The following WWOX variants were observed in gnomAD, a reference collection of about 807,000 sequenced individuals.
The protein encoded by WWOX is WW domain-containing oxidoreductase.
Under a neutral mutation model 46.2 loss-of-function variants are expected in WWOX, and 69 were observed. The ratio of observed to expected loss-of-function variants is 1.49; its 90% CI spans 1.23 to 1.82. The LOEUF is 1.82. Among genes scored for constraint, WWOX ranks in the 40% most tolerant of loss-of-function variants. The probability of loss-of-function intolerance (pLI) is 0.00; values close to 1 mark genes in which losing one functional copy is unlikely to be tolerated. For synonymous variants in WWOX, 359 were observed against 202.6 expected, an observed-to-expected ratio of 1.77 and a Z score of -6.56; for missense variants, 919 against 542.6, an observed-to-expected ratio of 1.69 and a Z score of -6.89.
intron 8 of WWOX, among the ~76,000 whole-genome samples, chr16:78,781,099 G>C (rs950659759): frequency 6.6e-6 from 1 of 152,142 alleles, no homozygotes; most frequent in Non-Finnish European, 1.5e-5. Context: ...GCTTTCTAGA[G>C]CCAAACAAAT....
intron 8 of WWOX, among the ~76,000 whole-genome samples, chr16:78,750,531 G>A (rs1226488462): frequency 6.6e-6 from 1 of 151,638 alleles, no homozygotes; most frequent in Non-Finnish European, 1.5e-5. Context: ...GTGTAGGTCT[G>A]TTACATGGAT....
At chr16:79,179,028 A>C (rs1356926781) in intron 8 of WWOX, among the ~76,000 whole-genome samples, 3 of 152,182 alleles carry the variant, frequency 2.0e-5, no homozygotes, top group African/African-American at 7.2e-5. Context: ...ACTGTGCTAA[A>C]CCTGGCCCTG....
At chr16:78,877,637 T>C (rs939894610) in intron 8 of WWOX, among the ~76,000 whole-genome samples, 1 of 152,188 alleles carries the variant, frequency 6.6e-6, no homozygotes, top group Non-Finnish European at 1.5e-5. Context: ...GACATAGACA[T>C]ACATGAGTTT....
intron 8 of WWOX, among the ~76,000 whole-genome samples, chr16:78,507,004 G>A (rs568907541): frequency 4.6e-5 from 7 of 152,132 alleles, no homozygotes; most frequent in South Asian, 2.1e-4. Context: ...GTGAGCCACC[G>A]TGCACGACCT....
chr16:78,993,290 G>A (rs2046924573), intron 8 of WWOX, among the ~76,000 whole-genome samples: 1 of 151,894 alleles, frequency 6.6e-6, no homozygotes, highest in Admixed American at 6.6e-5. Flanking sequence ...GGGAAGGGAG[G>A]CCCTGAAATT....
intron 8 of WWOX, among the ~76,000 whole-genome samples, chr16:78,712,500 TA>T (rs558436380): frequency 3.1e-3 from 423 of 138,308 alleles, no homozygotes; most frequent in Middle Eastern, 7.2e-3. Context: ...GACTCCATCT[TA>T]AAAAAAAAAA....
At chr16:78,332,056 T>TTCTC (rs1182475012) in intron 5 of WWOX, among the ~76,000 whole-genome samples, 8 of 152,130 alleles carry the variant, frequency 5.3e-5, no homozygotes, top group African/African-American at 1.9e-4. Flanking sequence ...TGATTACTGT[T>TTCTC]TCTCTGTTGA....
At chr16:79,202,595 G>C (rs550374462) in intron 8 of WWOX, 1 of 152,304 alleles carries the variant, frequency 6.6e-6, no homozygotes, top group East Asian at 1.9e-4. Context: ...TCCGGCAAGA[G>C]AAGGCAAACA....
At chr16:78,817,169 A>ATTGTTTTTTTTTTTTTT (rs1460643310) in intron 8 of WWOX, among the ~76,000 whole-genome samples, 1 of 26,586 alleles carries the variant, frequency 3.8e-5, no homozygotes, top group African/African-American at 1.5e-4. Context: ...CATTAGTGCT[A>ATTGTTTTTTTTTTTTTT]TTCTTTTTTT....
intron 5 of WWOX, among the ~76,000 whole-genome samples, chr16:78,217,397 A>G (rs1271529404): frequency 1.3e-5 from 2 of 152,182 alleles, no homozygotes; most frequent in African/African-American, 4.8e-5. Flanking sequence ...CTAAAGATAT[A>G]AAGTAGAAAT....
chr16:78,660,526 C>G (rs1489046519), intron 8 of WWOX, among the ~76,000 whole-genome samples: 1 of 152,058 alleles, frequency 6.6e-6, no homozygotes, highest in Non-Finnish European at 1.5e-5. Context: ...AGAGAATTCA[C>G]AAAACAACTC....
At chr16:78,701,435 G>A (rs1416062266) in intron 8 of WWOX, among the ~76,000 whole-genome samples, 1 of 152,030 alleles carries the variant, frequency 6.6e-6, no homozygotes, top group African/African-American at 2.4e-5. Flanking sequence ...GAGGTTGAAG[G>A]TCCGATGGCC....
At chr16:78,365,917 T>C (rs2081526193) in intron 5 of WWOX, among the ~76,000 whole-genome samples, 1 of 152,220 alleles carries the variant, frequency 6.6e-6, no homozygotes, top group Non-Finnish European at 1.5e-5. Flanking sequence ...TTTGGGTTTC[T>C]GAAGTATAAA....
At chr16:78,895,803 A>C (rs1028735753) in intron 8 of WWOX, 3 of 152,244 alleles carry the variant, frequency 2.0e-5, no homozygotes, top group African/African-American at 7.2e-5. Context: ...TCTTAAGAAC[A>C]ATGTCAACTG....
At chr16:78,863,876 C>G (rs1409957392) in intron 8 of WWOX, among the ~76,000 whole-genome samples, 1 of 152,172 alleles carries the variant, frequency 6.6e-6, no homozygotes, top group Non-Finnish European at 1.5e-5. Flanking sequence ...TGTGATTGGC[C>G]TCCTCCACTT....
chr16:78,291,644 G>A (rs758878276), intron 5 of WWOX, among the ~76,000 whole-genome samples: 2 of 152,098 alleles, frequency 1.3e-5, no homozygotes, highest in Non-Finnish European at 2.9e-5. Context: ...CAATCTGTGG[G>A]CTAACGTTTC....
At chr16:78,265,094 T>A (rs9933749) in intron 5 of WWOX, among the ~76,000 whole-genome samples, 2 of 148,568 alleles carry the variant, frequency 1.3e-5, no homozygotes, top group African/African-American at 2.5e-5. Flanking sequence ...TCTGCCTGCC[T>A]GGTTCAAGTG....
intron 5 of WWOX, among the ~76,000 whole-genome samples, chr16:78,227,934 C>T (rs1007440596): frequency 2.0e-5 from 3 of 152,058 alleles, no homozygotes; most frequent in Non-Finnish European, 2.9e-5. Flanking sequence ...CCCAGTGCAG[C>T]CATGGGTAGA....
chr16:78,385,339 G>A (rs557044010), intron 5 of WWOX, among the ~76,000 whole-genome samples: 1 of 152,152 alleles, frequency 6.6e-6, no homozygotes, highest in Non-Finnish European at 1.5e-5. Flanking sequence ...ATCGGGACAA[G>A]AGTTTTACAC....
Sources: gnomAD v4.1 joint callset for allele counts (sites outside exome capture counted in the v4.1 genomes callset) on GRCh38, gnomAD v4.1.1 for gene constraint, MANE v1.5 for transcripts, NCBI Gene and HGNC (gene_info 2026-07-23, HGNC 2026-07-21) for gene names.